The following DCLK1 variants were observed in gnomAD, a reference collection of about 807,000 sequenced individuals.
DCLK1 encodes doublecortin like kinase 1.
DCLK1 carries 16 observed loss-of-function variants against 86.2 expected under a neutral mutation model. That is an observed-to-expected ratio of 0.19 (90% CI 0.13 to 0.28). The LOEUF is 0.28. Ranked by LOEUF, DCLK1 falls within the 10% of genes least tolerant of loss-of-function variation. The pLI is 1.00. For missense variants in DCLK1, 590 were observed against 940.2 expected (o/e 0.63, Z 4.87); for synonymous variants, 369 against 370.5 (o/e 1.00, Z 0.05).
At chr13:35,823,162 C>T (rs552147956) in intron 10 of DCLK1, among the ~76,000 whole-genome samples, 1 of 152,232 alleles carries the variant, frequency 6.6e-6, no homozygotes, top group South Asian at 2.1e-4. Flanking sequence ...AGCTAGGGGA[C>T]GAGGAGATGC....
chr13:36,014,261 G>A (rs1881439487), intron 3 of DCLK1, among the ~76,000 whole-genome samples: 1 of 152,208 alleles, frequency 6.6e-6, no homozygotes, highest in African/African-American at 2.4e-5. Context: ...ATAGAGAGCT[G>A]AAGATCATAT....
intron 4 of DCLK1, among the ~76,000 whole-genome samples, chr13:35,909,477 G>C (rs1874875883): frequency 6.6e-6 from 1 of 152,038 alleles, no homozygotes; most frequent in African/African-American, 2.4e-5. Context: ...TCATCTGCTA[G>C]GTGGGATGAT....
At chr13:35,846,204 G>A (rs1870162477) in intron 6 of DCLK1, 8 of 985,122 alleles carry the variant, frequency 8.1e-6, no homozygotes, top group Non-Finnish European at 9.6e-6. Context: ...CTGAAACTGT[G>A]AGCAGAAAGT....
At chr13:36,098,800 A>G (rs1235717811) in intron 3 of DCLK1, among the ~76,000 whole-genome samples, 2 of 152,138 alleles carry the variant, frequency 1.3e-5, no homozygotes, top group East Asian at 3.8e-4. Flanking sequence ...CTGATTCCCA[A>G]TACATCTTAA....
At chr13:35,919,902 G>A (rs541065084) in intron 4 of DCLK1, among the ~76,000 whole-genome samples, 18 of 147,716 alleles carry the variant, frequency 1.2e-4, no homozygotes, top group East Asian at 1.0e-3. Flanking sequence ...GCACTCTTGC[G>A]GGGGGGTGGG....
intron 3 of DCLK1, among the ~76,000 whole-genome samples, chr13:35,952,309 A>G (rs1877737134): frequency 6.6e-6 from 1 of 152,186 alleles, no homozygotes; most frequent in Admixed American, 6.6e-5. Flanking sequence ...CTTTGGGAAT[A>G]AGGATTCTAT....
At chr13:35,833,514 CAAG>C (rs1869125459) in intron 8 of DCLK1, among the ~76,000 whole-genome samples, 1 of 152,170 alleles carries the variant, frequency 6.6e-6, no homozygotes, top group Admixed American at 6.5e-5. Flanking sequence ...AGAGGCCACT[CAAG>C]AAGTTACTCC....
intron 12 of DCLK1, among the ~76,000 whole-genome samples, chr13:35,809,876 G>A (rs1203042549): frequency 6.6e-6 from 1 of 152,058 alleles, no homozygotes; most frequent in Non-Finnish European, 1.5e-5. Flanking sequence ...TGTGGTCTAT[G>A]GTACAAGCAA....
chr13:35,903,815 C>T (rs929881444), intron 4 of DCLK1, among the ~76,000 whole-genome samples: 17 of 152,150 alleles, frequency 1.1e-4, no homozygotes, highest in African/African-American at 4.1e-4. Flanking sequence ...AGCATAAAGT[C>T]ACTTGTGATC....
At chr13:36,129,417 T>C (rs1275954203) in intron 1 of DCLK1, among the ~76,000 whole-genome samples, 1 of 152,250 alleles carries the variant, frequency 6.6e-6, no homozygotes, top group East Asian at 1.9e-4. Flanking sequence ...TTTACTTCCC[T>C]TCCCTGAATC....
At position 35,886,056 on chromosome 13, in the gene DCLK1, G is replaced by C. The variant is rs1873214430; in HGVS notation, c.824-14716C>G. On this transcript the variant is annotated intron_variant, in intron 4 of 16. Coordinates refer to ENST00000360631, the MANE Select transcript of DCLK1 (RefSeq NM_001330071.2). Reference sequence around the variant, plus strand: ...AGACGGAGTCTCGCTCTGTCACCCAGGCTGGAGTGCAGTGGTGCAATCTCG... The same window carrying C: ...AGACGGAGTCTCGCTCTGTCACCCACGCTGGAGTGCAGTGGTGCAATCTCG... Among the ~76,000 whole-genome samples, 5 of 145,036 alleles carry C rather than the reference G, an allele frequency of 3.4e-5. No individual in the cohort carries two copies. In the Admixed American group the frequency reaches 3.6e-4, roughly 11 times the overall value.
At chr13:35,839,821 G>A (rs954046823) in intron 6 of DCLK1, among the ~76,000 whole-genome samples, 2 of 152,054 alleles carry the variant, frequency 1.3e-5, no homozygotes, top group Admixed American at 6.6e-5. Flanking sequence ...CAAGATCCAT[G>A]AAAGCAAACA....
Position 36,126,000 on chromosome 13 carries a change from C to A in DCLK1, c.138G>T (p.Thr46=). The change falls in exon 2 of 17, where the codon ACG becomes ACT. Residue 46 remains threonine (T), a synonymous_variant. Coordinates refer to ENST00000360631, the MANE Select transcript of DCLK1 (RefSeq NM_001330071.2). ...SAHCSFYRTR[T]LQTLSSEKKA... Reference sequence around the variant, plus strand: ...TCTTCTCGGAGCTGAGCGTCTGCAGCGTGCGGGTGCGGTAGAAGCTGCAGT... The same window carrying A: ...TCTTCTCGGAGCTGAGCGTCTGCAGAGTGCGGGTGCGGTAGAAGCTGCAGT... The A allele has an allele frequency of 1.2e-6, 2 of 1,614,094 alleles. No individual in the cohort carries two copies. Among genetic ancestry groups the A allele is most frequent in the Non-Finnish European group, 1.7e-6 (2 of 1,180,024 alleles).
At chr13:35,814,478 T>G (rs1036684944) in intron 11 of DCLK1, among the ~76,000 whole-genome samples, 1 of 152,206 alleles carries the variant, frequency 6.6e-6, no homozygotes, top group African/African-American at 2.4e-5. Context: ...CTGACCATCT[T>G]TCAGAAAGGG....
chr13:36,094,519 A>G (rs1884936601), intron 3 of DCLK1, among the ~76,000 whole-genome samples: 1 of 152,208 alleles, frequency 6.6e-6, no homozygotes, highest in Non-Finnish European at 1.5e-5. Context: ...GATCCCCACT[A>G]ACTGCCAGTC....
At chr13:35,937,173 T>C (rs556453219) in intron 4 of DCLK1, among the ~76,000 whole-genome samples, 1 of 151,434 alleles carries the variant, frequency 6.6e-6, no homozygotes, top group African/African-American at 2.4e-5. Context: ...CGGGGTTTCA[T>C]TGTGCTGGCC....
At chr13:35,977,992 C>T (rs1037504073) in intron 3 of DCLK1, among the ~76,000 whole-genome samples, 1 of 152,016 alleles carries the variant, frequency 6.6e-6, no homozygotes, top group Non-Finnish European at 1.5e-5. Context: ...GCTTTCTTTA[C>T]AGACTGGGTA....
intron 3 of DCLK1, among the ~76,000 whole-genome samples, chr13:36,013,614 AC>A (rs1281525810): frequency 5.9e-5 from 9 of 152,204 alleles, no homozygotes; most frequent in Admixed American, 5.9e-4. Context: ...TGCTGGGAGA[AC>A]CACTGCTCTC....
At chr13:36,085,730 T>C (rs1157055927) in intron 3 of DCLK1, among the ~76,000 whole-genome samples, 1 of 152,158 alleles carries the variant, frequency 6.6e-6, no homozygotes, top group Non-Finnish European at 1.5e-5. Context: ...CAGTCTGCCA[T>C]TAAGCATAGC....
Sources: gnomAD v4.1 joint callset for allele counts (sites outside exome capture counted in the v4.1 genomes callset) on GRCh38, gnomAD v4.1.1 for gene constraint, MANE v1.5 for transcripts, NCBI Gene and HGNC (gene_info 2026-07-23, HGNC 2026-07-21) for gene names.